Variants in PTPRM observed in about 807,000 individuals in gnomAD.
PTPRM encodes the protein protein tyrosine phosphatase receptor type M.
In PTPRM, 47 loss-of-function variants were observed where a neutral mutation model predicts 186.7. That is an observed-to-expected ratio of 0.25 (90% CI 0.20 to 0.32). The LOEUF (loss-of-function observed/expected upper bound fraction) is 0.32. PTPRM is among the 10% of genes least tolerant of loss of function. The pLI, the probability that PTPRM is intolerant of heterozygous loss-of-function variation, is 1.00. For synonymous variants in PTPRM, 668 were observed against 674.9 expected (o/e 0.99, Z 0.16); for missense variants, 1,494 against 1,865.0 (o/e 0.80, Z 3.66).
At chr18:7,622,394 A>G (rs889078461) in intron 1 of PTPRM, among the ~76,000 whole-genome samples, 1 of 151,944 alleles carries the variant, frequency 6.6e-6, no homozygotes, top group Non-Finnish European at 1.5e-5. Flanking sequence ...ATATGCTGCT[A>G]TGAGAGGAAT....
intron 20 of PTPRM, among the ~76,000 whole-genome samples, chr18:8,298,576 A>C (rs1010708971): frequency 6.6e-6 from 1 of 152,224 alleles, no homozygotes; most frequent in South Asian, 2.1e-4. Context: ...TGAGTGAAAA[A>C]AGCTAGCATT....
chr18:7,681,417 A>C (rs1202499212), intron 1 of PTPRM, among the ~76,000 whole-genome samples: 2 of 152,076 alleles, frequency 1.3e-5, no homozygotes, highest in African/African-American at 4.8e-5. Flanking sequence ...GCAAATGTGT[A>C]ATTGTTGGTT....
intron 2 of PTPRM, among the ~76,000 whole-genome samples, chr18:7,866,618 A>G (rs1279882310): frequency 6.6e-6 from 1 of 152,156 alleles, no homozygotes; most frequent in Non-Finnish European, 1.5e-5. Context: ...TATGTGGTCA[A>G]TTTTAGAATA....
At chr18:7,785,990 A>G (rs973555023) in intron 2 of PTPRM, among the ~76,000 whole-genome samples, 2 of 152,240 alleles carry the variant, frequency 1.3e-5, no homozygotes, top group Non-Finnish European at 2.9e-5. Context: ...ACATGCTTGC[A>G]TTCATTTGTA....
intron 1 of PTPRM, among the ~76,000 whole-genome samples, chr18:7,672,842 T>A (rs1283628630): frequency 6.6e-6 from 1 of 152,060 alleles, no homozygotes; most frequent in African/African-American, 2.4e-5. Flanking sequence ...CCCAGGAACA[T>A]AAAAGTCTAG....
intron 11 of PTPRM, among the ~76,000 whole-genome samples, chr18:8,099,592 A>C (rs1326210198): frequency 6.6e-6 from 1 of 152,142 alleles, no homozygotes; most frequent in Non-Finnish European, 1.5e-5. Flanking sequence ...AAATTAACAG[A>C]TTACCGTGGA....
chr18:8,199,160 A>G (rs2093819245), intron 14 of PTPRM, among the ~76,000 whole-genome samples: 1 of 152,184 alleles, frequency 6.6e-6, no homozygotes, highest in Non-Finnish European at 1.5e-5. Context: ...TGTAAGTGTC[A>G]GCTGTTTATG....
intron 19 of PTPRM, among the ~76,000 whole-genome samples, chr18:8,277,244 AT>A (rs1275220512): frequency 2.6e-4 from 40 of 152,274 alleles, no homozygotes; most frequent in African/African-American, 9.4e-4. Flanking sequence ...TTTTCCCAAT[AT>A]AGAAACAGTA....
chr18:7,878,873 A>G (rs1454234976), intron 2 of PTPRM, among the ~76,000 whole-genome samples: 2 of 152,200 alleles, frequency 1.3e-5, no homozygotes, highest in South Asian at 2.1e-4. Context: ...AAAGATGTCA[A>G]TCAATGAAAA....
intron 10 of PTPRM, among the ~76,000 whole-genome samples, chr18:8,086,760 A>G (rs1298899130): frequency 6.6e-6 from 1 of 152,148 alleles, no homozygotes; most frequent in Non-Finnish European, 1.5e-5. Flanking sequence ...AATATTCACA[A>G]CTAGAGTATT....
chr18:8,139,864 G>C (rs1278929323), intron 13 of PTPRM, among the ~76,000 whole-genome samples: 1 of 152,110 alleles, frequency 6.6e-6, no homozygotes, highest in Non-Finnish European at 1.5e-5. Context: ...GTTTACCTTG[G>C]TGTCTGTCTT....
chr18:8,173,716 G>A (rs980107921), intron 14 of PTPRM, among the ~76,000 whole-genome samples: 2 of 152,200 alleles, frequency 1.3e-5, no homozygotes, highest in Admixed American at 6.5e-5. Context: ...GGATCTGTTG[G>A]TGGGTCTGTG....
chr18:8,037,130 T>C (rs191156061), intron 7 of PTPRM, among the ~76,000 whole-genome samples: 1 of 152,290 alleles, frequency 6.6e-6, no homozygotes, highest in East Asian at 1.9e-4. Context: ...ACATCTAAGA[T>C]AAGGAGAAAA....
intron 11 of PTPRM, among the ~76,000 whole-genome samples, chr18:8,093,377 T>TGCTTA (rs1187155957): frequency 6.5e-4 from 99 of 152,318 alleles, no homozygotes; most frequent in African/African-American, 2.3e-3. Context: ...TAGCAGTAGT[T>TGCTTA]CTCATTACAC....
intron 1 of PTPRM, among the ~76,000 whole-genome samples, chr18:7,676,644 T>C (rs1475718319): frequency 7.2e-6 from 1 of 139,628 alleles, no homozygotes; most frequent in Non-Finnish European, 1.5e-5. Context: ...TGTGTGTGTG[T>C]GTGTGTGTGT....
At chr18:8,405,315 G>A (rs16953452) in intron 32 of PTPRM, among the ~76,000 whole-genome samples, 2,787 of 152,164 alleles carry the variant, frequency 0.018, 37 homozygotes, top group Middle Eastern at 0.044. Flanking sequence ...TTTAATTAAC[G>A]GGTGAGGATG....
At chr18:7,693,909 G>A (rs1212376227) in intron 1 of PTPRM, among the ~76,000 whole-genome samples, 2 of 152,126 alleles carry the variant, frequency 1.3e-5, no homozygotes, top group Non-Finnish European at 1.5e-5. Context: ...AGATAGGACT[G>A]GCGTTTTCAA....
rs180996495 is a variant in PTPRM, at chr18:7,911,149, A to G, written c.547+4566A>G. On this transcript the variant is annotated intron_variant, in intron 4 of 32. Coordinates refer to ENST00000580170, the MANE Select transcript of PTPRM (RefSeq NM_001105244.2). ...CCAAATAGTATTTTATTCCATGGAT[A>G]TACCACATTTTATGTAAGCATGCAT... is the stretch of plus-strand genomic sequence containing the variant. Among the ~76,000 whole-genome samples the G allele has an allele frequency of 2.0e-5, 3 of 152,360 alleles. No individual in the cohort carries two copies. In the East Asian group the frequency reaches 5.8e-4, roughly 29 times the overall value.
At chr18:8,272,144 G>A (rs1293708269) in intron 19 of PTPRM, among the ~76,000 whole-genome samples, 1 of 150,780 alleles carries the variant, frequency 6.6e-6, no homozygotes, top group African/African-American at 2.4e-5. Context: ...GGTGGAGGTT[G>A]CAGTGAGCCA....
Sources: allele counts gnomAD v4.1 joint callset (sites outside exome capture counted in the v4.1 genomes callset), GRCh38; gene constraint gnomAD v4.1.1; transcripts MANE v1.5; gene names NCBI Gene and HGNC (gene_info 2026-07-23, HGNC 2026-07-21).